AUTS2: variants seen among roughly 807,000 people sequenced by gnomAD.
The protein encoded by AUTS2 is autism susceptibility gene 2 protein.
A neutral mutation model predicts 112.4 loss-of-function variants in AUTS2; 17 were observed. The observed-to-expected ratio is 0.15, with a 90% confidence interval of 0.10 to 0.23. AUTS2 has a LOEUF of 0.23. Ranked by LOEUF, AUTS2 falls within the 10% of genes least tolerant of loss-of-function variation. AUTS2 has a pLI of 1.00. For synonymous variants in AUTS2, 751 were observed against 702.7 expected, an observed-to-expected ratio of 1.07 and a Z score of -1.09; for missense variants, 1,510 against 1,701.6, an observed-to-expected ratio of 0.89 and a Z score of 1.98.
At chr7:70,222,910 C>CA (rs1413327585) in intron 4 of AUTS2, among the ~76,000 whole-genome samples, 14 of 132,484 alleles carry the variant, frequency 1.1e-4, no homozygotes. Flanking sequence ...TTTTTTGAGA[C>CA]AAAGTCTCGC....
intron 1 of AUTS2, among the ~76,000 whole-genome samples, chr7:69,820,504 C>T (rs939599596): frequency 6.6e-6 from 1 of 152,226 alleles, no homozygotes; most frequent in Non-Finnish European, 1.5e-5. Flanking sequence ...TTTGACAACT[C>T]CTGCTTTAGG....
At chr7:70,226,987 G>A (rs1042223093) in intron 4 of AUTS2, among the ~76,000 whole-genome samples, 2 of 152,132 alleles carry the variant, frequency 1.3e-5, no homozygotes, top group African/African-American at 4.8e-5. Flanking sequence ...GCTAAAAGGG[G>A]TTGGGGTGAA....
chr7:70,659,759 C>G (rs1252997492), intron 5 of AUTS2, among the ~76,000 whole-genome samples: 1 of 152,054 alleles, frequency 6.6e-6, no homozygotes, highest in Non-Finnish European at 1.5e-5. Context: ...CTTGCATATA[C>G]ATAGTGTAAT....
chr7:70,168,081 A>C (rs1203272166), intron 4 of AUTS2, among the ~76,000 whole-genome samples: 1 of 152,248 alleles, frequency 6.6e-6, no homozygotes, highest in Admixed American at 6.5e-5. Flanking sequence ...ACAACTAATC[A>C]GGCTGAAAAA....
chr7:70,540,835 T>C (rs1297742324), intron 5 of AUTS2, among the ~76,000 whole-genome samples: 4 of 152,042 alleles, frequency 2.6e-5, no homozygotes, highest in Non-Finnish European at 5.9e-5. Context: ...AACGTCAGAG[T>C]TGATTAGCAC....
intron 4 of AUTS2, among the ~76,000 whole-genome samples, chr7:70,171,239 T>C (rs1418578142): frequency 6.6e-6 from 1 of 152,200 alleles, no homozygotes; most frequent in Non-Finnish European, 1.5e-5. Context: ...TTTCCCAAAC[T>C]CACAGACGTT....
At chr7:70,054,940 T>G (rs1459559842) in intron 2 of AUTS2, among the ~76,000 whole-genome samples, 2 of 152,148 alleles carry the variant, frequency 1.3e-5, no homozygotes. Context: ...CTTCCCCCTT[T>G]CTGCTTTTCC....
intron 4 of AUTS2, among the ~76,000 whole-genome samples, chr7:70,329,275 G>T (rs1171877750): frequency 6.6e-6 from 1 of 152,080 alleles, no homozygotes; most frequent in Non-Finnish European, 1.5e-5. Context: ...CCTCGTTTTG[G>T]TTCTTCTGCA....
intron 5 of AUTS2, among the ~76,000 whole-genome samples, chr7:70,460,336 G>GTTTT (rs1203508484): frequency 7.4e-6 from 1 of 134,256 alleles, no homozygotes; most frequent in East Asian, 2.4e-4. Flanking sequence ...GGACAGCCTG[G>GTTTT]TCTTTTTTTT....
chr7:70,252,982 AGC>A (rs1786679843), intron 4 of AUTS2, among the ~76,000 whole-genome samples: 2 of 152,174 alleles, frequency 1.3e-5, no homozygotes, highest in Admixed American at 1.3e-4. Context: ...TGATCACTGT[AGC>A]TTTGTGATAG....
intron 2 of AUTS2, among the ~76,000 whole-genome samples, chr7:69,900,255 G>A (rs1794915789): frequency 6.6e-6 from 1 of 152,218 alleles, no homozygotes; most frequent in African/African-American, 2.4e-5. Flanking sequence ...TGCCTGTCAA[G>A]TTAGTTACCT....
chr7:70,115,206 G>T (rs1805296126), intron 2 of AUTS2, among the ~76,000 whole-genome samples: 1 of 152,182 alleles, frequency 6.6e-6, no homozygotes, highest in South Asian at 2.1e-4. Flanking sequence ...CCGTGAAGAA[G>T]CATGGAAAAG....
intron 1 of AUTS2, among the ~76,000 whole-genome samples, chr7:69,713,862 G>A (rs923679747): frequency 2.6e-5 from 4 of 151,998 alleles, no homozygotes; most frequent in Admixed American, 2.0e-4. Flanking sequence ...TTGACTTAAC[G>A]GTGTCTTTTG....
At chr7:69,739,257 TC>T (rs762630447) in intron 1 of AUTS2, among the ~76,000 whole-genome samples, 2 of 152,120 alleles carry the variant, frequency 1.3e-5, no homozygotes, top group Non-Finnish European at 2.9e-5. Flanking sequence ...GCAAATTCTC[TC>T]CCCCATTAGT....
At chr7:70,054,346 C>T (rs1053529222) in intron 2 of AUTS2, among the ~76,000 whole-genome samples, 1 of 152,054 alleles carries the variant, frequency 6.6e-6, no homozygotes, top group Non-Finnish European at 1.5e-5. Context: ...CTTCCTTTTT[C>T]TCTTTGCTTT....
intron 6 of AUTS2, among the ~76,000 whole-genome samples, chr7:70,708,388 G>T (rs1263797977): frequency 6.6e-6 from 1 of 152,154 alleles, no homozygotes; most frequent in Admixed American, 6.5e-5. Flanking sequence ...TGATTCCATT[G>T]ATTCGTTCAA....
intron 5 of AUTS2, among the ~76,000 whole-genome samples, chr7:70,520,683 G>A (rs762599473): frequency 2.6e-4 from 40 of 152,166 alleles, no homozygotes; most frequent in Non-Finnish European, 5.1e-4. Context: ...TGTGAGCACC[G>A]TGGAGACCTT....
chr7:70,040,992 A>G (rs1420900093), intron 2 of AUTS2, among the ~76,000 whole-genome samples: 1 of 152,216 alleles, frequency 6.6e-6, no homozygotes, highest in Non-Finnish European at 1.5e-5. Flanking sequence ...TCTTTAACAC[A>G]TCCATTTTCT....
At chr7:70,497,097 GACAC>G (rs552831905) in intron 5 of AUTS2, among the ~76,000 whole-genome samples, 330 of 30,440 alleles carry the variant, frequency 0.011, 4 homozygotes, top group South Asian at 0.026. Context: ...TACACAGTCA[GACAC>G]ACACACACAC....
Sources: allele counts gnomAD v4.1 joint callset (sites outside exome capture counted in the v4.1 genomes callset), GRCh38; gene constraint gnomAD v4.1.1; transcripts MANE v1.5; gene names NCBI Gene and HGNC (gene_info 2026-07-23, HGNC 2026-07-21).